The following CACNA1D variants were observed in gnomAD, a reference collection of about 807,000 sequenced individuals.
CACNA1D encodes voltage-dependent L-type calcium channel subunit alpha-1D.
CACNA1D carries 55 observed loss-of-function variants against 257.1 expected under a neutral mutation model. The ratio of observed to expected loss-of-function variants is 0.21; its 90% confidence interval spans 0.17 to 0.27. The LOEUF is 0.27. Among genes scored for constraint, CACNA1D ranks in the 10% least tolerant of loss-of-function variants. CACNA1D has a pLI of 1.00. For synonymous variants in CACNA1D, 980 were observed against 1,014.9 expected (o/e 0.97, Z 0.65); for missense variants, 1,876 against 2,784.0 (o/e 0.67, Z 7.34).
At chr3:53,713,777 A>G (rs1296146958) in intron 9 of CACNA1D, among the ~76,000 whole-genome samples, 1 of 152,174 alleles carries the variant, frequency 6.6e-6, no homozygotes, top group African/African-American at 2.4e-5. Flanking sequence ...AGAGTGCTCC[A>G]AGTAGGGGCC....
At chr3:53,563,938 T>A (rs1384184741) in intron 3 of CACNA1D, among the ~76,000 whole-genome samples, 1 of 152,222 alleles carries the variant, frequency 6.6e-6, no homozygotes, top group East Asian at 1.9e-4. Flanking sequence ...TTCAGCTTTA[T>A]TGGATGATGC....
At chr3:53,791,065 G>T (rs1348496348) in intron 40 of CACNA1D, 2 of 700,742 alleles carry the variant, frequency 2.9e-6, no homozygotes, top group Non-Finnish European at 5.2e-6. Flanking sequence ...CTAAGGCCTT[G>T]AAAGGGAAAA....
intron 9 of CACNA1D, among the ~76,000 whole-genome samples, chr3:53,714,561 T>C (rs2094798700): frequency 6.6e-6 from 1 of 152,220 alleles, no homozygotes; most frequent in Admixed American, 6.5e-5. Flanking sequence ...ATATGCCAGA[T>C]TTTGAGTGGT....
At chr3:53,501,143 C>T (rs1336520945) in intron 2 of CACNA1D, among the ~76,000 whole-genome samples, 1 of 152,192 alleles carries the variant, frequency 6.6e-6, no homozygotes, top group African/African-American at 2.4e-5. Context: ...GCGATTTAGG[C>T]TGACCCTGCC....
At chr3:53,651,556 G>C (rs1009585969) in intron 4 of CACNA1D, among the ~76,000 whole-genome samples, 6 of 152,054 alleles carry the variant, frequency 3.9e-5, no homozygotes, top group Non-Finnish European at 5.9e-5. Context: ...AGTAGTTTTA[G>C]TGAAAGGAGA....
At chr3:53,710,904 C>A (rs1007431247) in intron 9 of CACNA1D, among the ~76,000 whole-genome samples, 11 of 152,020 alleles carry the variant, frequency 7.2e-5, no homozygotes, top group African/African-American at 2.4e-4. Flanking sequence ...CTACTTTGCC[C>A]AGGACTATGC....
At chr3:53,748,507 AACACTGT>A (rs1323900201) in intron 26 of CACNA1D, among the ~76,000 whole-genome samples, 3 of 152,196 alleles carry the variant, frequency 2.0e-5, no homozygotes, top group Non-Finnish European at 4.4e-5. Flanking sequence ...TCAGGCTTTG[AACACTGT>A]ACTTGAGCAA....
intron 3 of CACNA1D, among the ~76,000 whole-genome samples, chr3:53,527,585 G>A (rs2091811074): frequency 1.3e-5 from 2 of 152,182 alleles, no homozygotes; most frequent in South Asian, 4.2e-4. Context: ...CGTTGATCTT[G>A]GAAAAGGTAA....
intron 3 of CACNA1D, among the ~76,000 whole-genome samples, chr3:53,606,830 C>T (rs1488614473): frequency 6.6e-6 from 1 of 152,224 alleles, no homozygotes; most frequent in East Asian, 1.9e-4. Context: ...TCCTCACCCC[C>T]AATTCCTGAC....
chr3:53,547,491 GTCTTACTTTC>G (rs1360667740), intron 3 of CACNA1D, among the ~76,000 whole-genome samples: 1 of 152,200 alleles, frequency 6.6e-6, no homozygotes, highest in Non-Finnish European at 1.5e-5. Context: ...CTTGGGCTTT[GTCTTACTTTC>G]TCTTTCCTTC....
At chr3:53,545,503 T>C (rs1256656280) in intron 3 of CACNA1D, among the ~76,000 whole-genome samples, 1 of 152,170 alleles carries the variant, frequency 6.6e-6, no homozygotes, top group Non-Finnish European at 1.5e-5. Context: ...GGGTGAGGAT[T>C]TCAGGAGAGG....
In CACNA1D at chr3:53,736,552, C is replaced by T. The variant is rs554649768; in HGVS notation, c.2751+1049C>T. 2.0e-4 allele frequency among the ~76,000 whole-genome samples: 31 copies of T among 152,174 alleles called. No individual in the cohort carries two copies. The South Asian group carries it at 4.2e-3, about 20-fold the overall frequency. ...TGGACCCTTAAGCATGTTAACTTAG[C>T]GGTTTACAATATTACTTTTCATTGG... On this transcript the variant is annotated intron_variant, in intron 20 of 47. Coordinates refer to ENST00000350061, the MANE Select transcript of CACNA1D (RefSeq NM_001128840.3).
intron 3 of CACNA1D, among the ~76,000 whole-genome samples, chr3:53,517,413 C>T (rs1183072485): frequency 6.6e-6 from 1 of 152,026 alleles, no homozygotes; most frequent in South Asian, 2.1e-4. Context: ...GGCCAGAGCT[C>T]GACAGGACCC....
chr3:53,701,970 G>T (rs2094629911), intron 8 of CACNA1D, among the ~76,000 whole-genome samples: 1 of 152,088 alleles, frequency 6.6e-6, no homozygotes, highest in African/African-American at 2.4e-5. Flanking sequence ...AGTAGCAGGG[G>T]TTAAGAAAAA....
At chr3:53,777,749 C>T (rs1302737392) in intron 37 of CACNA1D, among the ~76,000 whole-genome samples, 2 of 152,206 alleles carry the variant, frequency 1.3e-5, no homozygotes, top group African/African-American at 2.4e-5. Context: ...GCAGATCTCC[C>T]AGTGCAACGC....
At chr3:53,529,910 C>T (rs192430067) in intron 3 of CACNA1D, among the ~76,000 whole-genome samples, 14 of 152,030 alleles carry the variant, frequency 9.2e-5, no homozygotes, top group Admixed American at 8.5e-4. Context: ...TTTTTCCTTT[C>T]TCTCCTCTTT....
intron 3 of CACNA1D, among the ~76,000 whole-genome samples, chr3:53,579,884 G>C (rs551144819): frequency 2.0e-5 from 3 of 152,376 alleles, no homozygotes; most frequent in Admixed American, 1.3e-4. Context: ...GGCCCCGGAT[G>C]CTGTGCTGAG....
chr3:53,780,649 G>A (rs2095420926), intron 38 of CACNA1D, among the ~76,000 whole-genome samples: 1 of 152,246 alleles, frequency 6.6e-6, no homozygotes, highest in Non-Finnish European at 1.5e-5. Context: ...TCCCAGCTGA[G>A]AGACCAAACC....
intron 8 of CACNA1D, among the ~76,000 whole-genome samples, chr3:53,675,629 T>TC (rs1284549239): frequency 6.6e-6 from 1 of 152,020 alleles, no homozygotes; most frequent in African/African-American, 2.4e-5. Context: ...CGGGGGGGCT[T>TC]CCCACTATCA....
Sources: gnomAD v4.1 joint callset for allele counts (sites outside exome capture counted in the v4.1 genomes callset) on GRCh38, gnomAD v4.1.1 for gene constraint, MANE v1.5 for transcripts, NCBI Gene and HGNC (gene_info 2026-07-23, HGNC 2026-07-21) for gene names.